Variants in NRXN1 observed in about 807,000 individuals in gnomAD.
NRXN1 encodes neurexin-1.
Under a neutral mutation model 150.9 loss-of-function variants are expected in NRXN1, and 39 were observed. That is an observed-to-expected ratio of 0.26 (90% CI 0.20 to 0.34). The LOEUF is 0.34. NRXN1 is among the 10% of genes least tolerant of loss of function. NRXN1 has a pLI of 1.00. For synonymous variants in NRXN1, 924 were observed against 757.0 expected (o/e 1.22, Z -3.62); for missense variants, 1,815 against 1,949.9 (o/e 0.93, Z 1.30).
intron 5 of NRXN1, among the ~76,000 whole-genome samples, chr2:50,836,840 TAAA>T (rs369557045): frequency 8.8e-6 from 1 of 114,092 alleles, no homozygotes; most frequent in Admixed American, 9.2e-5. Flanking sequence ...ATCATAATTG[TAAA>T]AAAAAAAAAA....
At chr2:50,741,301 T>C (rs577693323) in intron 5 of NRXN1, among the ~76,000 whole-genome samples, 84 of 152,280 alleles carry the variant, frequency 5.5e-4, no homozygotes, top group African/African-American at 1.9e-3. Context: ...AAGTTATGCA[T>C]AGTGTAACTT....
At chr2:50,829,729 C>T in intron 5 of NRXN1, 1 of 1,589,606 alleles carries the variant, frequency 6.3e-7, no homozygotes, top group African/African-American at 1.3e-5. Context: ...CCACGGTTGG[C>T]AGCGCCCAAG....
At chr2:50,567,672 G>A (rs777951545) in intron 8 of NRXN1, among the ~76,000 whole-genome samples, 12 of 152,162 alleles carry the variant, frequency 7.9e-5, no homozygotes, top group East Asian at 1.9e-4. Context: ...CATTTAATAC[G>A]TTGGAAACAT....
intron 21 of NRXN1, chr2:49,973,793 A>G (rs1678401309): frequency 1.7e-6 from 1 of 576,312 alleles, no homozygotes; most frequent in Admixed American, 3.2e-5. Flanking sequence ...CAGCGTGCAT[A>G]AATTTGACAT....
chr2:50,490,852 C>T (rs1457100830), intron 15 of NRXN1, among the ~76,000 whole-genome samples: 1 of 152,264 alleles, frequency 6.6e-6, no homozygotes, highest in African/African-American at 2.4e-5. Context: ...CATTGCTCAA[C>T]AGCTGAAAGG....
chr2:50,865,664 T>TTTTTTTG (rs1676810111), intron 5 of NRXN1, among the ~76,000 whole-genome samples: 5 of 129,546 alleles, frequency 3.9e-5, no homozygotes, highest in African/African-American at 1.1e-4. Context: ...GAAAGTTTTT[T>TTTTTTTG]TTTTTTTTTT....
intron 5 of NRXN1, among the ~76,000 whole-genome samples, chr2:50,908,111 G>A (rs757756995): frequency 1.3e-5 from 2 of 152,008 alleles, no homozygotes; most frequent in Non-Finnish European, 2.9e-5. Context: ...CCTTATTTAT[G>A]TTTGTATTCA....
At chr2:50,159,882 T>C (rs1254897755) in intron 18 of NRXN1, among the ~76,000 whole-genome samples, 2 of 152,128 alleles carry the variant, frequency 1.3e-5, no homozygotes, top group Non-Finnish European at 2.9e-5. Context: ...AATTATGCTG[T>C]GGAAGAAAAA....
chr2:50,152,993 G>T (rs1054781445), intron 18 of NRXN1, among the ~76,000 whole-genome samples: 1 of 151,326 alleles, frequency 6.6e-6, no homozygotes, highest in Admixed American at 6.6e-5. Context: ...GGTTCCTTAG[G>T]CACTATTTAC....
chr2:50,327,073 G>A (rs142130838), intron 17 of NRXN1, among the ~76,000 whole-genome samples: 1 of 152,230 alleles, frequency 6.6e-6, no homozygotes, highest in East Asian at 1.9e-4. Flanking sequence ...CAATAGAAAT[G>A]ACTATTGTGT....
chr2:49,947,371 A>G (rs981470008), intron 21 of NRXN1, among the ~76,000 whole-genome samples: 2 of 151,926 alleles, frequency 1.3e-5, no homozygotes, highest in African/African-American at 4.8e-5. Context: ...ACCTGGAGGC[A>G]CGTTTGGTAA....
At chr2:50,358,480 C>T (rs999078007) in intron 17 of NRXN1, among the ~76,000 whole-genome samples, 9 of 152,190 alleles carry the variant, frequency 5.9e-5, no homozygotes, top group East Asian at 3.9e-4. Flanking sequence ...TTGGACTGGG[C>T]AGAGCCCACC....
intron 18 of NRXN1, among the ~76,000 whole-genome samples, chr2:50,182,260 T>A (rs902169311): frequency 3.3e-5 from 5 of 152,012 alleles, no homozygotes; most frequent in Admixed American, 1.3e-4. Flanking sequence ...TCTCTCCTAT[T>A]CTTTCCTATT....
At chr2:50,246,529 T>C (rs965872224) in intron 17 of NRXN1, among the ~76,000 whole-genome samples, 2 of 152,098 alleles carry the variant, frequency 1.3e-5, no homozygotes, top group African/African-American at 4.8e-5. Context: ...TCTGCTATAC[T>C]TAAGTCATTC....
At chr2:50,041,601 T>C (rs1161395947) in intron 21 of NRXN1, among the ~76,000 whole-genome samples, 2 of 152,184 alleles carry the variant, frequency 1.3e-5, no homozygotes, top group Admixed American at 6.5e-5. Context: ...AATTGTGAAG[T>C]AAGTTTTAGC....
At chr2:50,676,357 A>G (rs569697475) in intron 5 of NRXN1, among the ~76,000 whole-genome samples, 1 of 152,304 alleles carries the variant, frequency 6.6e-6, no homozygotes, top group South Asian at 2.1e-4. Context: ...ATAGCAATGC[A>G]AACAGACTAA....
intron 17 of NRXN1, among the ~76,000 whole-genome samples, chr2:50,388,739 T>G (rs2081489080): frequency 6.6e-6 from 1 of 152,152 alleles, no homozygotes; most frequent in Admixed American, 6.6e-5. Context: ...TAGGGCATTC[T>G]TTTCTTATCA....
intron 5 of NRXN1, among the ~76,000 whole-genome samples, chr2:50,774,790 T>C (rs1703407139): frequency 6.6e-6 from 1 of 152,136 alleles, no homozygotes; most frequent in Non-Finnish European, 1.5e-5. Flanking sequence ...TTCTCATCCA[T>C]AAATTTTTTC....
At chr2:50,489,369 T>C (rs2091098207) in intron 15 of NRXN1, among the ~76,000 whole-genome samples, 1 of 152,176 alleles carries the variant, frequency 6.6e-6, no homozygotes, top group Non-Finnish European at 1.5e-5. Context: ...CTTGGGCCTG[T>C]GACTGAACAC....
Sources: allele counts gnomAD v4.1 joint callset (sites outside exome capture counted in the v4.1 genomes callset), GRCh38; gene constraint gnomAD v4.1.1; transcripts MANE v1.5; gene names NCBI Gene and HGNC (gene_info 2026-07-23, HGNC 2026-07-21).